The following DCN variants were observed in gnomAD, a reference collection of about 807,000 sequenced individuals.
DCN encodes bone proteoglycan II.
In DCN, 17 loss-of-function variants were observed where a neutral mutation model predicts 36.5. The observed-to-expected ratio is 0.47, with a 90% CI of 0.32 to 0.70. DCN has a LOEUF of 0.70. DCN is among the 30% of genes least tolerant of loss of function. DCN has a pLI of 0.04. For synonymous variants in DCN, 163 were observed against 161.4 expected (o/e 1.01, Z -0.07); for missense variants, 389 against 430.1 (o/e 0.90, Z 0.84).
intron 2 of DCN, chr12:91,175,936 A>C (rs1021491576): frequency 6.6e-6 from 1 of 152,104 alleles, no homozygotes; most frequent in Non-Finnish European, 1.5e-5. Flanking sequence ...TTAACACTGC[A>C]TGAAGCTGCT....
chr12:91,167,444 A>T, intron 2 of DCN, among the ~76,000 whole-genome samples: 1 of 149,672 alleles, frequency 6.7e-6, no homozygotes, highest in East Asian at 1.9e-4. Flanking sequence ...AATGTAAATT[A>T]TCTCAGACAC....
At chr12:91,148,209 G>C (rs1427402044) in intron 7 of DCN, among the ~76,000 whole-genome samples, 1 of 151,884 alleles carries the variant, frequency 6.6e-6, no homozygotes, top group East Asian at 2.0e-4. Flanking sequence ...GAGTAGCTGG[G>C]ACTACAGGCG....
intron 4 of DCN, 88 bp from the exon 5 acceptor site, chr12:91,157,276 A>G (rs1424013552): frequency 1.1e-6 from 1 of 910,804 alleles, no homozygotes; most frequent in Non-Finnish European, 1.8e-6. Flanking sequence ...GCAACCTATA[A>G]AGAAATAGGG....
intron 6 of DCN, among the ~76,000 whole-genome samples, chr12:91,152,188 CATG>C (rs1881475136): frequency 6.6e-6 from 1 of 152,020 alleles, no homozygotes; most frequent in African/African-American, 2.4e-5. Flanking sequence ...AACTTATGTG[CATG>C]ATATTATGCT....
At chr12:91,155,615 G>GATCTATCTAACT (rs1555192914) in intron 5 of DCN, among the ~76,000 whole-genome samples, 13 of 150,242 alleles carry the variant, frequency 8.7e-5, no homozygotes, top group African/African-American at 3.2e-4. Context: ...ATTTTAATAA[G>GATCTATCTAACT]ATCTATCTAT....
intron 2 of DCN, chr12:91,177,456 T>C (rs1016305688): frequency 1.9e-5 from 12 of 642,606 alleles, no homozygotes; most frequent in Non-Finnish European, 3.3e-5. Flanking sequence ...ATAAAGATTT[T>C]TTTTTCTTTT....
intron 2 of DCN, among the ~76,000 whole-genome samples, chr12:91,170,072 A>G (rs1882859301): frequency 1.3e-5 from 2 of 151,836 alleles, no homozygotes; most frequent in Admixed American, 6.6e-5. Context: ...TAAAAAAAAA[A>G]AAAAAAGAAA....
intron 7 of DCN, chr12:91,151,318 T>TAA: frequency 4.8e-6 from 1 of 208,310 alleles, no homozygotes; most frequent in Non-Finnish European, 9.8e-6. Flanking sequence ...TTAGTGACAG[T>TAA]AAAAAAAAAG....
intron 2 of DCN, among the ~76,000 whole-genome samples, chr12:91,174,228 T>C (rs1018555806): frequency 2.0e-5 from 3 of 152,148 alleles, no homozygotes; most frequent in Non-Finnish European, 4.4e-5. Flanking sequence ...TTTTTTGTTC[T>C]TGTCTATTTA....
intron 3 of DCN, among the ~76,000 whole-genome samples, chr12:91,158,838 G>A (rs191236356): frequency 6.6e-6 from 1 of 151,890 alleles, no homozygotes; most frequent in African/African-American, 2.4e-5. Context: ...GGTGGGTGCC[G>A]GTAGTCCCGG....
At chr12:91,170,163 A>T (rs1020159041) in intron 2 of DCN, among the ~76,000 whole-genome samples, 3 of 152,178 alleles carry the variant, frequency 2.0e-5, no homozygotes, top group Non-Finnish European at 4.4e-5. Context: ...TGAGAATTCA[A>T]TAAGCTATGC....
chr12:91,166,291 G>T (rs1381264235), intron 2 of DCN, among the ~76,000 whole-genome samples: 1 of 152,052 alleles, frequency 6.6e-6, no homozygotes, highest in Admixed American at 6.6e-5. Flanking sequence ...AGTTCCCATA[G>T]AAATAACAAG....
rs117469178 is a variant in DCN, at chr12:91,147,587, C to G, written c.886-1335G>C. On this transcript the variant is annotated intron_variant, in intron 7 of 7. Transcript: ENST00000052754. Reference sequence around the variant, plus strand: ...ATAAATGTTATTTCATATATCAGGTCTACATGACTATATTGGGTCTACATG... The same window carrying G: ...ATAAATGTTATTTCATATATCAGGTGTACATGACTATATTGGGTCTACATG... Among the ~76,000 whole-genome samples the G allele has an allele frequency of 3.3e-3, 499 of 152,152 alleles. 1 individual carries two copies. The highest frequency in any genetic ancestry group is 6.1e-3 in the Non-Finnish European group (418 of 67,998).
chr12:91,148,583 G>T (rs950960939), intron 7 of DCN, among the ~76,000 whole-genome samples: 1 of 151,706 alleles, frequency 6.6e-6, no homozygotes, highest in Non-Finnish European at 1.5e-5. Context: ...TGGCATGGCG[G>T]CACGTGCCTG....
intron 2 of DCN, chr12:91,176,176 T>C (rs1162264177): frequency 2.0e-5 from 3 of 152,270 alleles, no homozygotes; most frequent in African/African-American, 7.2e-5. Context: ...ACTTTTATAA[T>C]ATATTTAAAT....
In DCN at chr12:91,151,783, C is replaced by G. The variant is rs771882946; in HGVS notation, c.756G>C (p.Leu252Phe). 8.1e-6 allele frequency: 13 copies of G among 1,613,914 alleles called. No homozygotes were observed. The highest frequency in any genetic ancestry group is 1.7e-5 in the Admixed American group (1 of 60,004). ...KGLNNLAKLGLSFNSISAVDN... is the reference protein window; with the variant it reads ...KGLNNLAKLGFSFNSISAVDN... Reference sequence around the variant, plus strand: ...CAACAGCAGAGATGCTGTTGAAACTCAATCCCAACCTGCAACAGAAAGCAG... The same window carrying G: ...CAACAGCAGAGATGCTGTTGAAACTGAATCCCAACCTGCAACAGAAAGCAG... The change falls in exon 7 of 8, where the codon TTG becomes TTC. Residue 252 changes from leucine (L) to phenylalanine (F), a missense_variant. Leu to Phe is a conservative substitution (Grantham distance 22, BLOSUM62 0). Transcript: ENST00000052754.
At chr12:91,151,269 C>A in intron 7 of DCN, 1 of 225,902 alleles carries the variant, frequency 4.4e-6, no homozygotes, top group Non-Finnish European at 8.9e-6. Context: ...ACCAAAGAAG[C>A]TCTTTCCAGT....
At chr12:91,163,441 A>C (rs570012161) in intron 3 of DCN, among the ~76,000 whole-genome samples, 2 of 152,272 alleles carry the variant, frequency 1.3e-5, no homozygotes, top group South Asian at 4.1e-4. Flanking sequence ...CAGGAAATTA[A>C]GAGGTGGAAC....
In DCN at chr12:91,145,921, G is replaced by T; in HGVS notation, c.*137C>A. 1 of 710,624 alleles carries T rather than the reference G, an allele frequency of 1.4e-6. No individual in the cohort carries two copies. The highest frequency in any genetic ancestry group is 2.4e-6 in the Non-Finnish European group (1 of 421,046). 44.0% of individuals were successfully genotyped at this position (710,624 alleles called of 1,614,324 possible). A position where few individuals can be genotyped will look rare whatever the true frequency, so the allele number is the denominator to read the frequency against. On this transcript the variant is annotated 3_prime_UTR_variant, in exon 8 of 8. Coordinates refer to ENST00000052754, the MANE Select transcript of DCN (RefSeq NM_001920.5). ...AGGCAATTACTTAAACTGGAAATTTGGCTTTATGCATAATAAGTCATGTGG... is the reference window on the plus strand; with the variant it reads ...AGGCAATTACTTAAACTGGAAATTTTGCTTTATGCATAATAAGTCATGTGG...
Sources: allele counts gnomAD v4.1 joint callset (sites outside exome capture counted in the v4.1 genomes callset), GRCh38; gene constraint gnomAD v4.1.1; transcripts MANE v1.5; gene names NCBI Gene and HGNC (gene_info 2026-07-23, HGNC 2026-07-21).